The following SDC1 variants were observed in gnomAD, a reference collection of about 807,000 sequenced individuals.
The protein encoded by SDC1 is syndecan 1, also known as syndecan-1.
A neutral mutation model predicts 29.7 loss-of-function variants in SDC1; 14 were observed. The observed-to-expected ratio is 0.47, with a 90% CI of 0.31 to 0.74. The LOEUF (loss-of-function observed/expected upper bound fraction) is 0.74, where lower values mean the gene tolerates loss of function less well. SDC1 is among the 30% of genes least tolerant of loss of function. The pLI is 0.05. For missense variants in SDC1, 406 were observed against 400.3 expected (o/e 1.01, Z -0.12); for synonymous variants, 204 against 175.5 (o/e 1.16, Z -1.29).
chr2:20,217,630 C>T (rs1382792248), intron 1 of SDC1, among the ~76,000 whole-genome samples: 1 of 152,174 alleles, frequency 6.6e-6, no homozygotes, highest in African/African-American at 2.4e-5. Context: ...CCCTGAGCCC[C>T]GGCTGTGTCT....
At chr2:20,222,926 A>C (rs1677866725) in intron 1 of SDC1, among the ~76,000 whole-genome samples, 1 of 152,198 alleles carries the variant, frequency 6.6e-6, no homozygotes, top group South Asian at 2.1e-4. Flanking sequence ...AGAATGGGGC[A>C]GTGAGGTGAT....
Position 20,224,767 on chromosome 2 carries a change from C to A in SDC1, c.66+35G>T. The A allele has an allele frequency of 7.7e-7, 1 of 1,299,748 alleles. No individual in the cohort carries two copies. Among genetic ancestry groups the A allele is most frequent in the Non-Finnish European group, 9.8e-7 (1 of 1,023,552 alleles). The allele number at this position is 1,299,748 out of a possible 1,614,324, so 80.5% of individuals were successfully genotyped here. A position where few individuals can be genotyped will look rare whatever the true frequency, so the allele number is the denominator to read the frequency against. On this transcript the variant is annotated intron_variant, in intron 1 of 4. Coordinates refer to ENST00000254351, the MANE Select transcript of SDC1 (RefSeq NM_002997.5). The surrounding 1 kb of genome is among the most constrained non-coding windows in gnomAD (Gnocchi z 4.9). ...CCGCGGGTGACCAGTCCCGGCTTCC[C>A]GCCGCCTCCCCGCCTGGCCGCCGGC...
In SDC1 at chr2:20,202,316, C is replaced by T. The variant is rs764301014; in HGVS notation, c.*450G>A. The stretch of plus-strand genomic sequence containing the variant: ...AACAAAGTGGACTCCTGTCCCCTGC[C>T]ACTCAGCGGCCACCCCCCCAAGATG... On this transcript the variant is annotated 3_prime_UTR_variant, in exon 5 of 5. Coordinates refer to ENST00000254351, the MANE Select transcript of SDC1 (RefSeq NM_002997.5). The T allele has an allele frequency of 2.6e-6, 2 of 776,690 alleles. No homozygotes were observed. Among genetic ancestry groups the T allele is most frequent in the Admixed American group, 1.7e-5 (1 of 58,286 alleles). 48.1% of individuals were successfully genotyped at this position (776,690 alleles called of 1,614,324 possible). A position where few individuals can be genotyped will look rare whatever the true frequency, so the allele number is the denominator to read the frequency against.
intron 1 of SDC1, among the ~76,000 whole-genome samples, chr2:20,218,558 G>A (rs537636848): frequency 1.7e-3 from 241 of 144,104 alleles, no homozygotes; most frequent in Non-Finnish European, 1.6e-3. Flanking sequence ...CACACACACA[G>A]AGACACACAT....
intron 1 of SDC1, among the ~76,000 whole-genome samples, chr2:20,217,899 C>T (rs901870944): frequency 9.2e-5 from 14 of 152,172 alleles, no homozygotes; most frequent in South Asian, 4.1e-4. Context: ...CCTGGCCCAA[C>T]GTCACCCAGG....
At chr2:20,221,598 T>C (rs369105621) in intron 1 of SDC1, among the ~76,000 whole-genome samples, 24 of 152,244 alleles carry the variant, frequency 1.6e-4, no homozygotes, top group East Asian at 1.3e-3. Context: ...TCGAGGGTAA[T>C]AGGGATTCTT....
intron 1 of SDC1, among the ~76,000 whole-genome samples, chr2:20,206,523 T>C (rs1305131715): frequency 6.6e-6 from 1 of 152,162 alleles, no homozygotes; most frequent in East Asian, 1.9e-4. Flanking sequence ...AGCAGCCAGG[T>C]GGCGAGAAGT....
intron 1 of SDC1, chr2:20,223,179 A>G: frequency 8.5e-7 from 1 of 1,175,254 alleles, no homozygotes. Context: ...CCTGGACCGG[A>G]AAATGTCTGG....
chr2:20,203,909 A>G lies in SDC1; in HGVS notation c.531T>C (p.Thr177=), dbSNP rs1677144613. 6.2e-7 allele frequency: 1 copy of G among 1,613,332 alleles called. No homozygotes were observed. The highest frequency in any genetic ancestry group is 2.2e-5 in the East Asian group (1 of 44,852). Residue 177 remains threonine (T), a synonymous_variant, in exon 3 of 5, where the codon ACT becomes ACC. Transcript: ENST00000254351. ...AAGGACCTCCATCCTCTGTGTGGGG[A>G]GTGTGAAGGTCAGCTTGGCTGGGTC... ...PAGPSQADLH[T]PHTEDGGPSA... is the part of the protein sequence containing the mutation.
intron 1 of SDC1, chr2:20,223,151 A>G: frequency 1.2e-6 from 1 of 854,290 alleles, no homozygotes; most frequent in Non-Finnish European, 1.7e-6. Flanking sequence ...TCACAGTTCA[A>G]TAGGCACAGG....
intron 1 of SDC1, among the ~76,000 whole-genome samples, chr2:20,218,871 C>T (rs1432108172): frequency 2.6e-5 from 4 of 152,056 alleles, no homozygotes; most frequent in African/African-American, 9.7e-5. Flanking sequence ...TGCTGCAACC[C>T]TCAGGTGAAT....
intron 1 of SDC1, among the ~76,000 whole-genome samples, chr2:20,209,834 T>C (rs925955080): frequency 6.6e-6 from 1 of 152,240 alleles, no homozygotes; most frequent in Non-Finnish European, 1.5e-5. Flanking sequence ...GTGCCTTGGC[T>C]GCCTCAGAAG....
intron 1 of SDC1, among the ~76,000 whole-genome samples, chr2:20,222,739 G>A (rs569034238): frequency 6.6e-6 from 1 of 152,312 alleles, no homozygotes; most frequent in East Asian, 1.9e-4. Flanking sequence ...GGCAGTTCAC[G>A]GGGAAGCCCA....
At chr2:20,216,667 C>T (rs899524431) in intron 1 of SDC1, among the ~76,000 whole-genome samples, 1 of 152,198 alleles carries the variant, frequency 6.6e-6, no homozygotes, top group African/African-American at 2.4e-5. Flanking sequence ...GGAGCATCAG[C>T]GGCCACCACT....
rs2148299919 is a variant in SDC1, at chr2:20,224,146, G to A, written c.66+656C>T. 7.0e-6 allele frequency: 3 copies of A among 427,266 alleles called. No individual in the cohort carries two copies. The highest frequency in any genetic ancestry group is 1.6e-5 in the South Asian group (1 of 62,702). The allele number at this position is 427,266 out of a possible 1,614,324, so 26.5% of individuals were successfully genotyped here. ...CTCCTCCGGGTCTCCAGCGTTCCGA[G>A]GCCAACTTCCCGGAACCTCCCGCTG... is the stretch of plus-strand genomic sequence containing the variant. On this transcript the variant is annotated intron_variant, in intron 1 of 4. Transcript: ENST00000254351. This position sits in a 1 kb window ranked among gnomAD's most constrained non-coding sequence, Gnocchi z 4.9.
intron 1 of SDC1, chr2:20,223,309 A>G (rs955711245): frequency 6.4e-5 from 82 of 1,290,332 alleles, no homozygotes; most frequent in Non-Finnish European, 6.0e-5. Context: ...AAAGCGCTCA[A>G]TAACTGGCAG....
Position 20,203,867 on chromosome 2 carries a change from A to G in SDC1, c.573T>C (p.Ala191=). Residue 191 remains alanine (A), a synonymous_variant, in exon 3 of 5, where the codon GCT becomes GCC. Transcript: ENST00000254351. ...EDGGPSATER[A]AEDGASSQLP... ...GCTGACTGGAGGCTCCATCCTCAGCAGCCCTCTCGGTGGCAGAAGGACCTC... is the reference window on the plus strand; with the variant it reads ...GCTGACTGGAGGCTCCATCCTCAGCGGCCCTCTCGGTGGCAGAAGGACCTC... 1 of 1,610,390 alleles carries G rather than the reference A, an allele frequency of 6.2e-7. No individual in the cohort carries two copies. The highest frequency in any genetic ancestry group is 8.5e-7 in the Non-Finnish European group (1 of 1,178,890).
In SDC1 at chr2:20,224,938, C is replaced by T; in HGVS notation, c.-71G>A. 1 of 1,199,112 alleles carries T rather than the reference C, an allele frequency of 8.3e-7. No homozygotes were observed. The highest frequency in any genetic ancestry group is 1.0e-6 in the Non-Finnish European group (1 of 967,300). 74.3% of individuals were successfully genotyped at this position (1,199,112 alleles called of 1,614,324 possible). A position where few individuals can be genotyped will look rare whatever the true frequency, so the allele number is the denominator to read the frequency against. The stretch of plus-strand genomic sequence containing the variant: ...GGCTGCGGGCCGGCTTCGCGGGTTC[C>T]GCTGCTCGATGCTCTCTTGGGCGCC... On this transcript the variant is annotated 5_prime_UTR_variant, in exon 1 of 5. Coordinates refer to ENST00000254351, the MANE Select transcript of SDC1 (RefSeq NM_002997.5). This position sits in a 1 kb window ranked among gnomAD's most constrained non-coding sequence, Gnocchi z 4.9.
chr2:20,218,136 A>G (rs761544842), intron 1 of SDC1, among the ~76,000 whole-genome samples: 1 of 152,248 alleles, frequency 6.6e-6, no homozygotes, highest in Non-Finnish European at 1.5e-5. Flanking sequence ...TGTGGCTCTC[A>G]GAACTGAGGA....
Sources: allele counts gnomAD v4.1 joint callset (sites outside exome capture counted in the v4.1 genomes callset), GRCh38; gene constraint gnomAD v4.1.1; non-coding constraint Gnocchi (gnomAD v3.1); transcripts MANE v1.5; gene names NCBI Gene and HGNC (gene_info 2026-07-23, HGNC 2026-07-21).